The following POLR2F variants were observed in gnomAD, a reference collection of about 807,000 sequenced individuals.
POLR2F encodes the protein DNA-directed RNA polymerases I, II, and III subunit RPABC2.
Under a neutral mutation model 22.7 loss-of-function variants are expected in POLR2F, and 12 were observed. The ratio of observed to expected loss-of-function variants is 0.53; its 90% CI spans 0.34 to 0.86. POLR2F has a LOEUF of 0.86. POLR2F is among the 40% of genes least tolerant of loss of function. POLR2F has a pLI of 0.02. For synonymous variants in POLR2F, 57 were observed against 66.0 expected (o/e 0.86, Z 0.66); for missense variants, 126 against 171.5 (o/e 0.73, Z 1.48).
rs1489130435 is a variant in POLR2F at position 38,016,936 on chromosome 22, C to T, written c.121-8933C>T. ...GATGTCTGGGCCTGGGCGGATGTGC[C>T]GGCAGCTGGGCGGCCGGGAGAGATG... On this transcript the variant is annotated intron_variant, in intron 1 of 2. Transcript: ENST00000333418. The surrounding 1 kb of genome is among the most constrained non-coding windows in gnomAD (Gnocchi z 4.4). 6.6e-6 allele frequency among the ~76,000 whole-genome samples: 1 copy of T among 152,042 alleles called. No individual in the cohort carries two copies. Among genetic ancestry groups the T allele is most frequent in the Non-Finnish European group, 1.5e-5 (1 of 67,994 alleles).
downstream of POLR2F, among the ~76,000 whole-genome samples, chr22:38,028,615 C>T (rs755037980): frequency 2.6e-5 from 4 of 151,882 alleles, no homozygotes; most frequent in Non-Finnish European, 4.4e-5. Flanking sequence ...TATGCACGTG[C>T]ATGTCTCTGG....
chr22:38,010,459 T>A (rs1457575985), intron 1 of POLR2F, among the ~76,000 whole-genome samples: 1 of 152,074 alleles, frequency 6.6e-6, no homozygotes, highest in Non-Finnish European at 1.5e-5. Context: ...CCAAATTAGC[T>A]GTACCATTTC....
chr22:38,003,680 G>A (rs2084795325), intron 1 of POLR2F, among the ~76,000 whole-genome samples: 1 of 151,746 alleles, frequency 6.6e-6, no homozygotes, highest in South Asian at 2.1e-4. Context: ...AGGTTCAAGC[G>A]ATTCTCACAC....
downstream of POLR2F, chr22:37,972,281 G>A: frequency 7.7e-7 from 1 of 1,296,844 alleles, no homozygotes; most frequent in South Asian, 1.2e-5. Flanking sequence ...AAGAGATGAA[G>A]AGACAGGCCA....
downstream of POLR2F, among the ~76,000 whole-genome samples, chr22:38,028,308 G>A (rs2085033188): frequency 6.6e-6 from 1 of 152,128 alleles, no homozygotes; most frequent in Non-Finnish European, 1.5e-5. Flanking sequence ...CGATGCTTTA[G>A]GGTGGGGGGT....
downstream of POLR2F, among the ~76,000 whole-genome samples, chr22:38,028,842 T>C (rs2085040036): frequency 6.6e-6 from 1 of 152,176 alleles, no homozygotes. Context: ...CGCACTGTGA[T>C]AGGCAGGCAG....
chr22:37,960,228 CTTT>C (rs1242397751), intron 3 of POLR2F, among the ~76,000 whole-genome samples: 7 of 139,206 alleles, frequency 5.0e-5, no homozygotes, highest in Admixed American at 7.2e-5. Flanking sequence ...ATTTTCTTTT[CTTT>C]TTTTTTTTTT....
intron 3 of POLR2F, among the ~76,000 whole-genome samples, chr22:37,964,538 C>G (rs1021913795): frequency 5.9e-5 from 9 of 151,946 alleles, no homozygotes; most frequent in Non-Finnish European, 1.3e-4. Context: ...ACTCATAAAT[C>G]CAAGTGTCCT....
chr22:37,960,468 G>A (rs571107192), intron 3 of POLR2F, among the ~76,000 whole-genome samples: 2 of 152,132 alleles, frequency 1.3e-5, no homozygotes, highest in African/African-American at 2.4e-5. Context: ...CGCGTTCTCC[G>A]CTCACTGCAA....
intron 1 of POLR2F, among the ~76,000 whole-genome samples, chr22:38,019,969 G>A (rs764037368): frequency 3.3e-5 from 5 of 152,014 alleles, no homozygotes; most frequent in Non-Finnish European, 5.9e-5. Context: ...AGCCGAGATC[G>A]TGCTATTGCA....
chr22:38,005,587 CAGCAAAACATTACGAT>C (rs2084813665), intron 1 of POLR2F, among the ~76,000 whole-genome samples: 1 of 152,212 alleles, frequency 6.6e-6, no homozygotes, highest in Non-Finnish European at 1.5e-5. Context: ...GAGCTCCCAC[CAGCAAAACATTACGAT>C]GGAAGGCAGT....
intron 1 of POLR2F, among the ~76,000 whole-genome samples, chr22:37,994,221 C>T (rs564668187): frequency 6.6e-6 from 1 of 152,248 alleles, no homozygotes; most frequent in South Asian, 2.1e-4. Flanking sequence ...GGGGTGTGTT[C>T]ACATGTCAGG....
upstream of POLR2F, among the ~76,000 whole-genome samples, chr22:37,981,712 C>T (rs1932402026): frequency 6.6e-6 from 1 of 152,224 alleles, no homozygotes; most frequent in Non-Finnish European, 1.5e-5. Context: ...TCTTTGTCCC[C>T]TGGCACTAAA....
intron 1 of POLR2F, among the ~76,000 whole-genome samples, chr22:38,019,185 CAT>C (rs972282957): frequency 2.6e-5 from 4 of 151,908 alleles, no homozygotes; most frequent in Admixed American, 1.3e-4. Flanking sequence ...GGACTTGACA[CAT>C]GTTTGGGGCA....
intron 1 of POLR2F, among the ~76,000 whole-genome samples, chr22:38,023,625 C>T (rs2084979666): frequency 6.6e-6 from 1 of 152,048 alleles, no homozygotes; most frequent in African/African-American, 2.4e-5. Context: ...ACACTAACTC[C>T]CTTAGCTCCA....
intron 1 of POLR2F, among the ~76,000 whole-genome samples, chr22:38,009,952 G>C (rs533406072): frequency 1.3e-5 from 2 of 152,052 alleles, no homozygotes; most frequent in Admixed American, 1.3e-4. Flanking sequence ...TTCCAGATTT[G>C]GGCTATTACA....
At chr22:38,038,858 CG>C (rs2085143002) in intron 5 of POLR2F, among the ~76,000 whole-genome samples, 2 of 151,734 alleles carry the variant, frequency 1.3e-5, no homozygotes, top group Non-Finnish European at 2.9e-5. Context: ...CCTCTCCCAG[CG>C]CCTGCACTGG....
intron 5 of POLR2F, chr22:38,033,269 T>C (rs1024771349): frequency 6.6e-6 from 1 of 152,214 alleles, no homozygotes; most frequent in Admixed American, 6.5e-5. Context: ...TCGCCAGCCT[T>C]TTCAGGTGGA....
chr22:37,993,544 C>T (rs1335129919), intron 1 of POLR2F, among the ~76,000 whole-genome samples: 1 of 152,128 alleles, frequency 6.6e-6, no homozygotes, highest in Non-Finnish European at 1.5e-5. Flanking sequence ...AAATGGGAGC[C>T]GAGTGATGAT....
Sources: gnomAD v4.1 joint callset for allele counts (sites outside exome capture counted in the v4.1 genomes callset) on GRCh38, gnomAD v4.1.1 for gene constraint, Gnocchi (gnomAD v3.1) non-coding constraint, MANE v1.5 for transcripts, NCBI Gene and HGNC (gene_info 2026-07-23, HGNC 2026-07-21) for gene names.